The following OTUD7A variants were observed in gnomAD, a reference collection of about 807,000 sequenced individuals.
OTUD7A encodes OTU domain-containing protein 7A.
A neutral mutation model predicts 65.7 loss-of-function variants in OTUD7A; 12 were observed. The observed-to-expected ratio is 0.18, with a 90% CI of 0.12 to 0.30. The LOEUF is 0.30. Ranked by LOEUF, OTUD7A falls within the 10% of genes least tolerant of loss-of-function variation. The pLI is 1.00. For missense variants in OTUD7A, 1,148 were observed against 1,304.8 expected, an observed-to-expected ratio of 0.88 and a Z score of 1.85; for synonymous variants, 641 against 586.3, an observed-to-expected ratio of 1.09 and a Z score of -1.35.
At chr15:31,761,738 C>G (rs1894969719) in intron 1 of OTUD7A, among the ~76,000 whole-genome samples, 1 of 152,022 alleles carries the variant, frequency 6.6e-6, no homozygotes, top group South Asian at 2.1e-4. Context: ...CTCATATTAG[C>G]CAAAAGTAGA....
chr15:31,835,542 A>G (rs903953959), intron 1 of OTUD7A, among the ~76,000 whole-genome samples: 2 of 152,196 alleles, frequency 1.3e-5, no homozygotes, highest in Non-Finnish European at 2.9e-5. Flanking sequence ...CTTCATTGAC[A>G]AGAAATGCAA....
intron 8 of OTUD7A, among the ~76,000 whole-genome samples, chr15:31,512,599 G>A (rs912644574): frequency 2.6e-5 from 4 of 152,082 alleles, no homozygotes; most frequent in Non-Finnish European, 5.9e-5. Context: ...TGGCTGGAAC[G>A]GGATTTTACA....
chr15:31,753,188 C>T (rs543857918), intron 1 of OTUD7A, among the ~76,000 whole-genome samples: 29 of 152,042 alleles, frequency 1.9e-4, no homozygotes, highest in African/African-American at 6.0e-4. Context: ...CTTCTTGTAC[C>T]ATGGCCCAAA....
chr15:31,849,162 G>A (rs576762461), intron 1 of OTUD7A, among the ~76,000 whole-genome samples: 1 of 152,258 alleles, frequency 6.6e-6, no homozygotes, highest in East Asian at 1.9e-4. Flanking sequence ...ACACTACAAG[G>A]CTACGGTAAC....
At chr15:31,580,700 A>G (rs1889346129) in intron 3 of OTUD7A, among the ~76,000 whole-genome samples, 1 of 152,216 alleles carries the variant, frequency 6.6e-6, no homozygotes, top group Non-Finnish European at 1.5e-5. Context: ...ACTCACATTT[A>G]TATAACCATC....
chr15:31,525,706 C>T (rs8033280), intron 8 of OTUD7A, among the ~76,000 whole-genome samples: 10,725 of 152,292 alleles, frequency 0.07, 929 homozygotes, highest in African/African-American at 0.2. Flanking sequence ...GAATAAGCCG[C>T]GGCCAAGGCT....
intron 3 of OTUD7A, among the ~76,000 whole-genome samples, chr15:31,652,596 T>C (rs1218779995): frequency 6.6e-6 from 1 of 152,262 alleles, no homozygotes; most frequent in East Asian, 1.9e-4. Context: ...GAACAAAAGA[T>C]TTATATTCAG....
intron 3 of OTUD7A, among the ~76,000 whole-genome samples, chr15:31,592,936 T>G (rs1220569735): frequency 3.3e-5 from 3 of 91,338 alleles, no homozygotes; most frequent in Non-Finnish European, 5.7e-5. Context: ...TATATATATA[T>G]GTATATATAC....
chr15:31,847,646 T>C (rs1347456145), intron 1 of OTUD7A, among the ~76,000 whole-genome samples: 1 of 152,162 alleles, frequency 6.6e-6, no homozygotes, highest in Non-Finnish European at 1.5e-5. Flanking sequence ...AAAATCACTA[T>C]TACCATGGAT....
chr15:31,850,561 A>G (rs1897398324), intron 1 of OTUD7A, among the ~76,000 whole-genome samples: 1 of 151,786 alleles, frequency 6.6e-6, no homozygotes, highest in Admixed American at 6.6e-5. Flanking sequence ...AAGTATAATA[A>G]TAATAATAAT....
chr15:31,564,563 T>G (rs1172399766), intron 4 of OTUD7A, among the ~76,000 whole-genome samples: 8 of 152,182 alleles, frequency 5.3e-5, no homozygotes, highest in Non-Finnish European at 1.5e-5. Context: ...GAAAATATAG[T>G]TGTTAAGTTT....
At chr15:31,635,863 G>GCATGC (rs1891324256) in intron 3 of OTUD7A, among the ~76,000 whole-genome samples, 1 of 152,222 alleles carries the variant, frequency 6.6e-6, no homozygotes, top group Admixed American at 6.5e-5. Context: ...ACTGTCACCT[G>GCATGC]CATGCCCAGG....
At chr15:31,709,133 C>T (rs914383810) in intron 1 of OTUD7A, among the ~76,000 whole-genome samples, 4 of 151,638 alleles carry the variant, frequency 2.6e-5, no homozygotes, top group Admixed American at 6.5e-5. Context: ...GAGCTGTGTG[C>T]GCTCCTGCAG....
intron 5 of OTUD7A, among the ~76,000 whole-genome samples, chr15:31,550,331 T>G (rs1264533341): frequency 6.6e-6 from 1 of 152,108 alleles, no homozygotes; most frequent in African/African-American, 2.4e-5. Flanking sequence ...GTCCTAACTC[T>G]TGTGTGACTG....
At chr15:31,611,831 G>A (rs979298047) in intron 3 of OTUD7A, among the ~76,000 whole-genome samples, 4 of 152,042 alleles carry the variant, frequency 2.6e-5, no homozygotes, top group Non-Finnish European at 5.9e-5. Flanking sequence ...CCAAAACCAG[G>A]GAAGGACATA....
At chr15:31,821,087 A>G (rs1202813546) in intron 1 of OTUD7A, among the ~76,000 whole-genome samples, 1 of 148,476 alleles carries the variant, frequency 6.7e-6, no homozygotes, top group African/African-American at 2.5e-5. Flanking sequence ...TTTGCGTAAC[A>G]TATTTTCCAG....
chr15:31,576,615 C>T (rs187405758), intron 3 of OTUD7A, among the ~76,000 whole-genome samples: 53 of 152,270 alleles, frequency 3.5e-4, no homozygotes, highest in African/African-American at 1.2e-3. Flanking sequence ...GTGCCCTGAC[C>T]ACCTTGGGTA....
intron 1 of OTUD7A, among the ~76,000 whole-genome samples, chr15:31,704,828 T>A (rs1171380205): frequency 1.3e-5 from 2 of 152,238 alleles, no homozygotes; most frequent in Non-Finnish European, 2.9e-5. Context: ...CTGCCATAAT[T>A]TGCAGAAGCA....
chr15:31,712,094 G>A, intron 1 of OTUD7A, among the ~76,000 whole-genome samples: 1 of 152,070 alleles, frequency 6.6e-6, no homozygotes, highest in African/African-American at 2.4e-5. Context: ...GCGGTGCAGA[G>A]GGTCAGTAGT....
Sources: allele counts gnomAD v4.1 joint callset (sites outside exome capture counted in the v4.1 genomes callset), GRCh38; gene constraint gnomAD v4.1.1; transcripts MANE v1.5; gene names NCBI Gene and HGNC (gene_info 2026-07-23, HGNC 2026-07-21).